Variants in PCDHA3 observed in about 807,000 individuals in gnomAD.
PCDHA3 encodes the protein protocadherin alpha 3.
A neutral mutation model predicts 62.2 loss-of-function variants in PCDHA3; 41 were observed. The ratio of observed to expected loss-of-function variants is 0.66; its 90% confidence interval spans 0.51 to 0.86. The LOEUF (loss-of-function observed/expected upper bound fraction) is 0.86. Among genes scored for constraint, PCDHA3 ranks in the 40% least tolerant of loss-of-function variants. The pLI is 0.00. For missense variants in PCDHA3, 1,304 were observed against 1,241.2 expected, an observed-to-expected ratio of 1.05 and a Z score of -0.76; for synonymous variants, 640 against 555.4, an observed-to-expected ratio of 1.15 and a Z score of -2.14.
Position 140,979,012 on chromosome 5 carries a change from G to A in PCDHA3, c.2453+5G>A, listed in dbSNP as rs2096831231. The A allele has an allele frequency of 1.9e-6, 3 of 1,613,794 alleles. No individual in the cohort carries two copies. Among genetic ancestry groups the A allele is most frequent in the African/African-American group, 2.7e-5 (2 of 74,926 alleles). ...CCTGAGAGCAGGCATGCACAGGTAT[G>A]TATTTCCCTCCTCATTCACTCAGAA... On this transcript the variant is annotated splice_donor_5th_base_variant and intron_variant, in intron 2 of 3. Coordinates refer to ENST00000522353, the MANE Select transcript of PCDHA3 (RefSeq NM_018906.3).
intron 1 of PCDHA3, chr5:140,857,926 C>T (rs1351185942): frequency 1.3e-6 from 2 of 1,597,606 alleles, no homozygotes; most frequent in Non-Finnish European, 1.7e-6. Flanking sequence ...TGGGGCTGTA[C>T]ACGGGCGAGA....
At chr5:140,951,098 A>T (rs1480000816) in intron 1 of PCDHA3, among the ~76,000 whole-genome samples, 1 of 151,264 alleles carries the variant, frequency 6.6e-6, no homozygotes, top group African/African-American at 2.4e-5. Flanking sequence ...TTCTGATAAG[A>T]TTTCCTTTAT....
intron 1 of PCDHA3, among the ~76,000 whole-genome samples, chr5:140,819,231 C>T (rs1173348496): frequency 6.6e-6 from 1 of 152,110 alleles, no homozygotes; most frequent in Admixed American, 6.5e-5. Flanking sequence ...TTCAACATTT[C>T]CTCTTCTCTG....
At chr5:140,967,680 G>A in intron 1 of PCDHA3, 4 of 1,614,228 alleles carry the variant, frequency 2.5e-6, no homozygotes, top group South Asian at 1.1e-5. Context: ...GACCGGGAGA[G>A]GCAGCTCTTC....
At chr5:140,992,416 C>T (rs3776107) in intron 3 of PCDHA3, among the ~76,000 whole-genome samples, 9,821 of 152,168 alleles carry the variant, frequency 0.065, 355 homozygotes, top group East Asian at 0.12. Context: ...TGCCCCAGGT[C>T]TAAGAATATT....
At chr5:140,871,305 G>C (rs782666863) in intron 1 of PCDHA3, 2 of 1,613,874 alleles carry the variant, frequency 1.2e-6, no homozygotes, top group East Asian at 4.5e-5. Context: ...GCGCGCCGGG[G>C]AAGCCCACGC....
At chr5:140,960,067 A>T (rs1423900287) in intron 1 of PCDHA3, among the ~76,000 whole-genome samples, 1 of 152,228 alleles carries the variant, frequency 6.6e-6, no homozygotes, top group East Asian at 1.9e-4. Context: ...AGAAGATTCA[A>T]TTGAAGTTTC....
At chr5:140,929,357 G>A (rs1554207016) in intron 1 of PCDHA3, 14 of 1,523,448 alleles carry the variant, frequency 9.2e-6, no homozygotes, top group Non-Finnish European at 1.2e-5. Flanking sequence ...TGATTCCTTT[G>A]GCCCGGAGAT....
chr5:140,841,541 C>T, intron 1 of PCDHA3: 3 of 1,613,720 alleles, frequency 1.9e-6, no homozygotes, highest in Non-Finnish European at 2.5e-6. Context: ...ACACCGGGAC[C>T]TTCTGGAGGT....
Position 140,882,398 on chromosome 5 carries a change from T to C in PCDHA3, c.2394+78807T>C, listed in dbSNP as rs782596260. The C allele has an allele frequency of 5.6e-6, 9 of 1,614,040 alleles. No individual in the cohort carries two copies. In the African/African-American group the frequency reaches 9.3e-5, roughly 17 times the overall value. On this transcript the variant is annotated intron_variant, in intron 1 of 3. Coordinates refer to ENST00000522353, the MANE Select transcript of PCDHA3 (RefSeq NM_018906.3). ...CCCCGAGGAAGCAAAACACGGCACCTTCGTGGGCCGCATCGCTCAGGACCT... is the reference window on the plus strand; with the variant it reads ...CCCCGAGGAAGCAAAACACGGCACCCTCGTGGGCCGCATCGCTCAGGACCT...
chr5:140,875,915 TG>T, intron 1 of PCDHA3: 1 of 1,614,214 alleles, frequency 6.2e-7, no homozygotes, highest in Non-Finnish European at 8.5e-7. Context: ...TCTGCGCCTC[TG>T]GACTCTCATT....
At chr5:140,871,308 G>GC (rs2052955236) in intron 1 of PCDHA3, 1 of 1,613,880 alleles carries the variant, frequency 6.2e-7, no homozygotes. Flanking sequence ...CGCCGGGGAA[G>GC]CCCACGCTGG....
At chr5:140,926,190 ACTT>A (rs1468050055) in intron 1 of PCDHA3, among the ~76,000 whole-genome samples, 2 of 151,766 alleles carry the variant, frequency 1.3e-5, no homozygotes, top group South Asian at 2.2e-4. Flanking sequence ...CCCCCGCAGC[ACTT>A]CTTTCGGGGG....
At chr5:140,803,750 T>A (rs1211633329) in intron 1 of PCDHA3, 159 bp downstream of exon 1, 2 of 1,306,462 alleles carry the variant, frequency 1.5e-6, no homozygotes, top group East Asian at 4.8e-5. Flanking sequence ...GTAAGATTTT[T>A]GTTGCTAATT....
chr5:140,809,517 C>T, intron 1 of PCDHA3: 1 of 1,614,190 alleles, frequency 6.2e-7, no homozygotes, highest in African/African-American at 1.3e-5. Context: ...CCCAGTTTAC[C>T]TGACTCTAGG....
intron 1 of PCDHA3, chr5:140,814,096 A>G (rs1320387374): frequency 6.5e-6 from 1 of 153,604 alleles, no homozygotes; most frequent in Non-Finnish European, 1.4e-5. Context: ...CTTTTGTAAT[A>G]ACGCTTAGCT....
At chr5:140,958,139 A>T (rs1196467618) in intron 1 of PCDHA3, among the ~76,000 whole-genome samples, 2 of 152,112 alleles carry the variant, frequency 1.3e-5, no homozygotes, top group African/African-American at 2.4e-5. Context: ...CAGTGTGTAT[A>T]TTTATATAGC....
At chr5:140,850,542 T>G (rs1554144492) in intron 1 of PCDHA3, 1 of 1,597,608 alleles carries the variant, frequency 6.3e-7, no homozygotes, top group Non-Finnish European at 8.6e-7. Flanking sequence ...GTCGCGGGCG[T>G]CAGTGGGTGC....
chr5:140,848,592 T>C, intron 1 of PCDHA3: 1 of 1,594,614 alleles, frequency 6.3e-7, no homozygotes, highest in Non-Finnish European at 8.6e-7. Context: ...CCAGCTCCAC[T>C]ACTCCGTCCC....
Sources: gnomAD v4.1 joint callset for allele counts (sites outside exome capture counted in the v4.1 genomes callset) on GRCh38, gnomAD v4.1.1 for gene constraint, MANE v1.5 for transcripts, NCBI Gene and HGNC (gene_info 2026-07-23, HGNC 2026-07-21) for gene names.